COBLL1: variants seen among roughly 807,000 people sequenced by gnomAD.
COBLL1 encodes cordon-bleu protein-like 1.
COBLL1 carries 50 observed loss-of-function variants against 94.8 expected under a neutral mutation model. That is an observed-to-expected ratio of 0.53 (90% CI 0.42 to 0.67). COBLL1 has a LOEUF of 0.67. Ranked by LOEUF, COBLL1 falls within the 30% of genes least tolerant of loss-of-function variation. The pLI is 0.00. For missense variants in COBLL1, 1,362 were observed against 1,348.7 expected (o/e 1.01, Z -0.15); for synonymous variants, 448 against 473.8 (o/e 0.95, Z 0.71).
intron 2 of COBLL1, among the ~76,000 whole-genome samples, chr2:164,775,858 A>C (rs1025050282): frequency 6.6e-6 from 1 of 152,108 alleles, no homozygotes; most frequent in Non-Finnish European, 1.5e-5. Context: ...TGGGGGTCTT[A>C]CTACCCATAT....
intron 2 of COBLL1, among the ~76,000 whole-genome samples, chr2:164,823,939 C>A (rs78614345): frequency 0.12 from 18,785 of 152,066 alleles, 1,284 homozygotes; most frequent in Middle Eastern, 0.17. Flanking sequence ...GAAAAAAATG[C>A]AGAACACACA....
At chr2:164,695,977 T>C in intron 11 of COBLL1, 141 bp from the exon 12 acceptor site, 1 of 667,534 alleles carries the variant, frequency 1.5e-6, no homozygotes, top group Admixed American at 3.3e-5. Context: ...TAAAGGTAGG[T>C]AGTAGCATAC....
At chr2:164,674,676 A>G (rs1691306194) in intron 1 of COBLL1, among the ~76,000 whole-genome samples, 1 of 152,236 alleles carries the variant, frequency 6.6e-6, no homozygotes, top group Non-Finnish European at 1.5e-5. Flanking sequence ...CAAACAAGAT[A>G]GATATGGAGT....
intron 2 of COBLL1, among the ~76,000 whole-genome samples, chr2:164,807,476 T>G (rs10930136): frequency 0.2 from 29,879 of 151,874 alleles, 3,050 homozygotes; most frequent in Middle Eastern, 0.27. Flanking sequence ...TTTTCAATTC[T>G]ACATTTGTCA....
intron 2 of COBLL1, among the ~76,000 whole-genome samples, chr2:164,809,984 T>C (rs1684382292): frequency 6.6e-6 from 1 of 151,780 alleles, no homozygotes; most frequent in Non-Finnish European, 1.5e-5. Context: ...CTATCTTCTT[T>C]TACTTTGAGA....
At chr2:164,738,524 G>GTA (rs1686429376) in intron 3 of COBLL1, among the ~76,000 whole-genome samples, 1 of 152,132 alleles carries the variant, frequency 6.6e-6, no homozygotes, top group African/African-American at 2.4e-5. Context: ...CTGTTGTGAA[G>GTA]TATAGCATTT....
intron 2 of COBLL1, chr2:164,773,833 C>T: frequency 1.1e-6 from 1 of 877,832 alleles, no homozygotes; most frequent in Non-Finnish European, 1.5e-6. Context: ...AAGCGCCAGG[C>T]ACTTCTTACC....
chr2:164,684,023 T>A lies in COBLL1; in HGVS notation c.*1923A>T, dbSNP rs185456814. ...ATTGCAGAACTGGTAGTTATGCCAGTGTATTTTCCCACCAACAGTAGAGTT... is the reference window on the plus strand; with the variant it reads ...ATTGCAGAACTGGTAGTTATGCCAGAGTATTTTCCCACCAACAGTAGAGTT... On this transcript the variant is annotated 3_prime_UTR_variant, in exon 14 of 14. Coordinates refer to ENST00000652658, the MANE Select transcript of COBLL1 (RefSeq NM_001365672.2). The A allele has an allele frequency of 6.6e-6, 1 of 152,274 alleles. No individual in the cohort carries two copies. Among genetic ancestry groups the A allele is most frequent in the Admixed American group, 6.5e-5 (1 of 15,292 alleles). 9.4% of individuals were successfully genotyped at this position (152,274 alleles called of 1,614,324 possible). A position where few individuals can be genotyped will look rare whatever the true frequency, so the allele number is the denominator to read the frequency against.
chr2:164,758,721 C>T (rs907469177), intron 2 of COBLL1, among the ~76,000 whole-genome samples: 4 of 151,960 alleles, frequency 2.6e-5, no homozygotes, highest in African/African-American at 9.7e-5. Flanking sequence ...GAAACTCTGA[C>T]CTCTTTTTTC....
At chr2:164,713,777 A>G (rs922449087) in intron 7 of COBLL1, among the ~76,000 whole-genome samples, 1 of 152,172 alleles carries the variant, frequency 6.6e-6, no homozygotes, top group East Asian at 1.9e-4. Context: ...GATGTCAGTC[A>G]ATGTTTTATT....
At position 164,680,309 on chromosome 2, in the gene COBLL1, A is replaced by C. The variant is rs919955660; in HGVS notation, c.*5637T>G. ...CCTAGATTTAACAATTGTAACCGTC[A>C]TAATAATAATGTAGAGAGTAATGAT... On this transcript the variant is annotated 3_prime_UTR_variant, in exon 14 of 14. Transcript: ENST00000652658. 6.6e-6 allele frequency: 1 copy of C among 152,158 alleles called. No homozygotes were observed. Among genetic ancestry groups the C allele is most frequent in the African/African-American group, 2.4e-5 (1 of 41,438 alleles). 9.4% of individuals were successfully genotyped at this position (152,158 alleles called of 1,614,324 possible).
intron 2 of COBLL1, 77 bp from the exon 3 acceptor site, chr2:164,743,952 A>T: frequency 1.9e-6 from 2 of 1,067,372 alleles, no homozygotes; most frequent in Middle Eastern, 3.2e-4. Context: ...GTATTTTTAT[A>T]AATATGATCT....
intron 9 of COBLL1, among the ~76,000 whole-genome samples, chr2:164,702,420 C>G (rs1203912859): frequency 6.6e-6 from 1 of 151,160 alleles, no homozygotes; most frequent in African/African-American, 2.4e-5. Context: ...AAAAATTAGC[C>G]AGGTGTGGTG....
chr2:164,686,506 C>G (rs1683297064), intron 13 of COBLL1, among the ~76,000 whole-genome samples: 1 of 151,818 alleles, frequency 6.6e-6, no homozygotes, highest in African/African-American at 2.4e-5. Flanking sequence ...AACAAAAAAA[C>G]TAGCCCTTGG....
At chr2:164,790,566 T>C (rs959446495) in intron 2 of COBLL1, among the ~76,000 whole-genome samples, 1 of 152,166 alleles carries the variant, frequency 6.6e-6, no homozygotes, top group African/African-American at 2.4e-5. Flanking sequence ...TCCTTATACA[T>C]CATTTTACTT....
intron 3 of COBLL1, among the ~76,000 whole-genome samples, chr2:164,732,777 C>T (rs566437975): frequency 2.4e-4 from 37 of 152,198 alleles, no homozygotes; most frequent in African/African-American, 4.6e-4. Context: ...GACAAATGGC[C>T]GGGTGCGGTG....
At chr2:164,692,609 G>T (rs904319848) in intron 12 of COBLL1, 2 of 434,788 alleles carry the variant, frequency 4.6e-6, no homozygotes, top group Admixed American at 4.1e-5. Flanking sequence ...AACTCAGGAA[G>T]CCAAAGAAGA....
At chr2:164,676,791 CA>C (rs1691346523), downstream of COBLL1, among the ~76,000 whole-genome samples, 1 of 152,050 alleles carries the variant, frequency 6.6e-6, no homozygotes, top group Non-Finnish European at 1.5e-5. Flanking sequence ...CCACTTCCAG[CA>C]GATTAATTTT....
At chr2:164,706,117 T>C (rs1684586489) in intron 7 of COBLL1, among the ~76,000 whole-genome samples, 1 of 152,226 alleles carries the variant, frequency 6.6e-6, no homozygotes, top group Non-Finnish European at 1.5e-5. Context: ...CTTTCAATGA[T>C]ACTTTTCCCA....
Sources: gnomAD v4.1 joint callset for allele counts (sites outside exome capture counted in the v4.1 genomes callset) on GRCh38, gnomAD v4.1.1 for gene constraint, MANE v1.5 for transcripts, NCBI Gene and HGNC (gene_info 2026-07-23, HGNC 2026-07-21) for gene names.